The following CNTN4 variants were observed in gnomAD, a reference collection of about 807,000 sequenced individuals.
CNTN4 encodes the protein contactin 4, also known as contactin-4.
CNTN4 carries 77 observed loss-of-function variants against 122.5 expected under a neutral mutation model. That is an observed-to-expected ratio of 0.63 (90% CI 0.52 to 0.76). CNTN4 has a LOEUF of 0.76. CNTN4 is among the 30% of genes least tolerant of loss of function. The pLI is 0.00. For missense variants in CNTN4, 1,256 were observed against 1,259.1 expected, an observed-to-expected ratio of 1.00 and a Z score of 0.04; for synonymous variants, 512 against 447.0, an observed-to-expected ratio of 1.15 and a Z score of -1.83.
intron 2 of CNTN4, among the ~76,000 whole-genome samples, chr3:2,153,380 A>G (rs1165613542): frequency 6.6e-6 from 1 of 152,198 alleles, no homozygotes; most frequent in Non-Finnish European, 1.5e-5. Flanking sequence ...ATCTAGGAGG[A>G]GGAAGTGACA....
At chr3:2,441,927 T>G (rs1357343531) in intron 3 of CNTN4, among the ~76,000 whole-genome samples, 1 of 152,176 alleles carries the variant, frequency 6.6e-6, no homozygotes, top group African/African-American at 2.4e-5. Context: ...GTATTTTCAT[T>G]TCTGATTAAC....
intron 13 of CNTN4, among the ~76,000 whole-genome samples, chr3:2,943,702 C>A (rs943945592): frequency 2.5e-4 from 38 of 149,560 alleles, no homozygotes; most frequent in African/African-American, 9.3e-4. Flanking sequence ...CGGCTCACTG[C>A]AACCTCTGAC....
intron 4 of CNTN4, among the ~76,000 whole-genome samples, chr3:2,673,763 T>G (rs1254474461): frequency 6.6e-6 from 1 of 152,058 alleles, no homozygotes; most frequent in East Asian, 1.9e-4. Flanking sequence ...AGGATGGTCT[T>G]GATTTCCCGA....
At chr3:3,056,050 GC>G in intron 24 of CNTN4, 69 bp from the exon 25 acceptor site, 1 of 1,104,450 alleles carries the variant, frequency 9.1e-7, no homozygotes, top group Non-Finnish European at 1.4e-6. Flanking sequence ...GTTTCAAAAA[GC>G]CCCGTGGCCC....
intron 3 of CNTN4, among the ~76,000 whole-genome samples, chr3:2,406,884 A>G (rs1200743118): frequency 6.6e-6 from 1 of 152,142 alleles, no homozygotes; most frequent in East Asian, 1.9e-4. Flanking sequence ...CATTTTTAGT[A>G]CTCAGATGCA....
chr3:2,388,690 T>C (rs1020987619), intron 3 of CNTN4, among the ~76,000 whole-genome samples: 7 of 151,788 alleles, frequency 4.6e-5, no homozygotes, highest in African/African-American at 1.7e-4. Context: ...GCTAAAAATA[T>C]AGAAATTAGC....
chr3:3,055,821 C>T (rs1457798886), intron 24 of CNTN4, among the ~76,000 whole-genome samples: 2 of 152,162 alleles, frequency 1.3e-5, no homozygotes, highest in African/African-American at 4.8e-5. Flanking sequence ...TTTGTTGAAT[C>T]ATCGACATAG....
At chr3:2,628,382 G>A (rs17017512) in intron 4 of CNTN4, among the ~76,000 whole-genome samples, 6,761 of 152,232 alleles carry the variant, frequency 0.044, 225 homozygotes, top group Admixed American at 0.12. Flanking sequence ...ACACCTTAAG[G>A]GAAATGGCTT....
In CNTN4 at chr3:2,385,519, C is replaced by G. The variant is rs2046218522; in HGVS notation, c.-89+46286C>G. On this transcript the variant is annotated intron_variant, in intron 3 of 24. Coordinates refer to ENST00000418658, the MANE Select transcript of CNTN4 (RefSeq NM_175607.3). The surrounding 1 kb of genome is among the most constrained non-coding windows in gnomAD (Gnocchi z 4.0). Reference sequence around the variant, plus strand: ...TGACTTAAAATGACAGAAGTTTATTCTCTCACACTTCTAGAGGCCAGAAGT... The same window carrying G: ...TGACTTAAAATGACAGAAGTTTATTGTCTCACACTTCTAGAGGCCAGAAGT... 6.6e-6 allele frequency among the ~76,000 whole-genome samples: 1 copy of G among 152,064 alleles called. No individual in the cohort carries two copies. Among genetic ancestry groups the G allele is most frequent in the Non-Finnish European group, 1.5e-5 (1 of 68,030 alleles).
chr3:2,988,538 C>A lies in CNTN4; in HGVS notation c.1486+66C>A, dbSNP rs999051390. ...TCCTCGTGTCTAATAATGTAATCTACCGAAGTGGCATCATTCATATTAATA... is the reference window on the plus strand; with the variant it reads ...TCCTCGTGTCTAATAATGTAATCTAACGAAGTGGCATCATTCATATTAATA... On this transcript the variant is annotated intron_variant, in intron 14 of 24. Coordinates refer to ENST00000418658, the MANE Select transcript of CNTN4 (RefSeq NM_175607.3). 9 of 1,550,470 alleles carry A rather than the reference C, an allele frequency of 5.8e-6. No individual in the cohort carries two copies. The African/African-American group carries it at 1.1e-4, about 19-fold the overall frequency.
Position 3,034,758 on chromosome 3 carries a change from C to G in CNTN4, c.1910C>G (p.Pro637Arg), listed in dbSNP as rs772184755. 6.2e-7 allele frequency: 1 copy of G among 1,613,988 alleles called. No homozygotes were observed. The highest frequency in any genetic ancestry group is 1.3e-5 in the African/African-American group (1 of 74,902). ...ITMYVIQART[P>R]FSVGWQAVST... ...ATGTATGTCATTCAAGCCAGGACTC[C>G]ATTCTCCGTGGGCTGGCAAGCAGTC... is the stretch of plus-strand genomic sequence containing the variant. The change falls in exon 17 of 25, where the codon CCA becomes CGA. Residue 637 changes from proline to arginine, a missense_variant. Transcript: ENST00000418658.
At position 2,479,774 on chromosome 3, in the gene CNTN4, C is replaced by T. The variant is rs142608879; in HGVS notation, c.-88-91642C>T. Among the ~76,000 whole-genome samples, 433 of 152,178 alleles carry T rather than the reference C, an allele frequency of 2.8e-3. 1 individual carries two copies. Among genetic ancestry groups the T allele is most frequent in the Middle Eastern group, 0.01 (3 of 294 alleles). On this transcript the variant is annotated intron_variant, in intron 3 of 24. Coordinates refer to ENST00000418658, the MANE Select transcript of CNTN4 (RefSeq NM_175607.3). ...CATTCTTTGGATTTGGACGGGTGAGCGTGTTTCTCACACTACCAAAATTAG... is the reference window on the plus strand; with the variant it reads ...CATTCTTTGGATTTGGACGGGTGAGTGTGTTTCTCACACTACCAAAATTAG...
intron 2 of CNTN4, among the ~76,000 whole-genome samples, chr3:2,296,452 A>G (rs2042315209): frequency 6.6e-6 from 1 of 150,866 alleles, no homozygotes; most frequent in Admixed American, 6.6e-5. Context: ...TAATTATTTC[A>G]GTGGAAGTTA....
chr3:2,185,503 T>C (rs1311084327), intron 2 of CNTN4, among the ~76,000 whole-genome samples: 4 of 152,144 alleles, frequency 2.6e-5, no homozygotes, highest in Non-Finnish European at 4.4e-5. Flanking sequence ...GCACTTTCCA[T>C]ATGCTCTAAG....
intron 23 of CNTN4, 51 bp downstream of exon 23, chr3:3,043,755 C>T: frequency 9.0e-7 from 1 of 1,114,036 alleles, no homozygotes; most frequent in Non-Finnish European, 1.4e-6. Context: ...TGAGTGGGGG[C>T]AGTCTCCTCC....
chr3:2,530,287 T>A (rs1303350778), intron 3 of CNTN4, among the ~76,000 whole-genome samples: 1 of 151,654 alleles, frequency 6.6e-6, no homozygotes, highest in Admixed American at 6.6e-5. Flanking sequence ...ATATACTCTA[T>A]TTTCTTCTTC....
chr3:2,535,968 A>G (rs2149264615), intron 3 of CNTN4, among the ~76,000 whole-genome samples: 1 of 152,224 alleles, frequency 6.6e-6, no homozygotes, highest in East Asian at 1.9e-4. Context: ...ACTGTTCTTC[A>G]AAGAGCAAGC....
At chr3:2,353,841 G>A (rs1191838501) in intron 3 of CNTN4, among the ~76,000 whole-genome samples, 1 of 152,074 alleles carries the variant, frequency 6.6e-6, no homozygotes, top group Non-Finnish European at 1.5e-5. Flanking sequence ...GGAGCTTGCA[G>A]TGAGCCAAGA....
chr3:2,697,166 T>C (rs1640690383), intron 4 of CNTN4, among the ~76,000 whole-genome samples: 1 of 152,202 alleles, frequency 6.6e-6, no homozygotes. Flanking sequence ...AATTGTCTTT[T>C]CAATAACTTT....
Sources: gnomAD v4.1 joint callset for allele counts (sites outside exome capture counted in the v4.1 genomes callset) on GRCh38, gnomAD v4.1.1 for gene constraint, Gnocchi (gnomAD v3.1) non-coding constraint, MANE v1.5 for transcripts, NCBI Gene and HGNC (gene_info 2026-07-23, HGNC 2026-07-21) for gene names.